The following EYA2 variants were observed in gnomAD, a reference collection of about 807,000 sequenced individuals.
The protein encoded by EYA2 is protein phosphatase EYA2.
A neutral mutation model predicts 69.2 loss-of-function variants in EYA2; 31 were observed. The ratio of observed to expected loss-of-function variants is 0.45; its 90% CI spans 0.34 to 0.60. The LOEUF is 0.60. Among genes scored for constraint, EYA2 ranks in the 20% least tolerant of loss-of-function variants. The pLI, the probability that EYA2 is intolerant of heterozygous loss-of-function variation, is 0.02. For missense variants in EYA2, 622 were observed against 701.2 expected (o/e 0.89, Z 1.28); for synonymous variants, 257 against 279.4 (o/e 0.92, Z 0.80).
At chr20:46,908,870 C>CCTT (rs1984499358) in intron 1 of EYA2, among the ~76,000 whole-genome samples, 1 of 47,558 alleles carries the variant, frequency 2.1e-5, no homozygotes, top group African/African-American at 8.7e-5. Flanking sequence ...CTCTCCCGCA[C>CCTT]TTTTTTTTTT....
chr20:47,171,864 G>A (rs2034328339), intron 11 of EYA2, among the ~76,000 whole-genome samples: 1 of 152,118 alleles, frequency 6.6e-6, no homozygotes, highest in African/African-American at 2.4e-5. Flanking sequence ...GCCCAAGGCG[G>A]GTGGATCACT....
chr20:46,921,612 C>CTT (rs1985182302), intron 1 of EYA2, among the ~76,000 whole-genome samples: 1 of 152,266 alleles, frequency 6.6e-6, no homozygotes, highest in African/African-American at 2.4e-5. Context: ...ATTCTGGGAA[C>CTT]TTTGCTGGAA....
chr20:47,033,411 G>T (rs781299191), intron 5 of EYA2, among the ~76,000 whole-genome samples: 8 of 152,158 alleles, frequency 5.3e-5, no homozygotes, highest in Non-Finnish European at 7.4e-5. Context: ...TAAACAAATG[G>T]CATGGCTGTG....
chr20:46,982,775 C>CTTT (rs10701469), intron 1 of EYA2, among the ~76,000 whole-genome samples: 2,033 of 137,406 alleles, frequency 0.015, 41 homozygotes, highest in East Asian at 0.067. Context: ...CTGTAATTTC[C>CTTT]TTTTTTTTTT....
intron 7 of EYA2, among the ~76,000 whole-genome samples, chr20:47,075,174 C>T (rs909828853): frequency 1.3e-5 from 2 of 152,212 alleles, no homozygotes; most frequent in Non-Finnish European, 2.9e-5. Context: ...CCTGTGTGGT[C>T]TTCTCTAATC....
chr20:47,173,668 C>T (rs1350161502), intron 12 of EYA2, among the ~76,000 whole-genome samples: 1 of 152,106 alleles, frequency 6.6e-6, no homozygotes, highest in African/African-American at 2.4e-5. Flanking sequence ...AGTGATCTTC[C>T]CACCTCAGCC....
chr20:47,112,244 G>A lies in EYA2; in HGVS notation c.888+15076G>A, dbSNP rs139170442. Among the ~76,000 whole-genome samples, 298 of 152,220 alleles carry A rather than the reference G, an allele frequency of 2.0e-3. 3 individuals are homozygous for A. The highest frequency in any genetic ancestry group is 3.2e-3 in the Admixed American group (49 of 15,276). On this transcript the variant is annotated intron_variant, in intron 9 of 15. Coordinates refer to ENST00000327619, the MANE Select transcript of EYA2 (RefSeq NM_005244.5). ...GAAGAAAATCCACATTGCCCATAGT[G>A]GGATCAAATAATGCCTCAAAGTGAA...
chr20:46,910,504 A>G (rs1984592272), intron 1 of EYA2, among the ~76,000 whole-genome samples: 1 of 152,148 alleles, frequency 6.6e-6, no homozygotes, highest in Admixed American at 6.5e-5. Context: ...CTCTGGTACA[A>G]AAGTTGAGGC....
intron 5 of EYA2, among the ~76,000 whole-genome samples, chr20:47,028,899 G>C (rs1167162823): frequency 2.0e-5 from 3 of 151,972 alleles, no homozygotes; most frequent in Non-Finnish European, 2.9e-5. Context: ...ATTAAAGCTG[G>C]TTATTGCGAT....
intron 5 of EYA2, among the ~76,000 whole-genome samples, chr20:47,044,978 A>G (rs2029956021): frequency 6.6e-6 from 1 of 152,218 alleles, no homozygotes; most frequent in South Asian, 2.1e-4. Context: ...CTATGAAGGA[A>G]GAGTACAAGG....
intron 1 of EYA2, among the ~76,000 whole-genome samples, chr20:46,976,855 G>T (rs1242293869): frequency 6.6e-6 from 1 of 152,146 alleles, no homozygotes; most frequent in Non-Finnish European, 1.5e-5. Context: ...TTTCCTTGGG[G>T]TATCACTTCT....
intron 9 of EYA2, among the ~76,000 whole-genome samples, chr20:47,135,025 G>A (rs566254904): frequency 1.2e-3 from 187 of 151,128 alleles, no homozygotes; most frequent in African/African-American, 4.3e-3. Context: ...TACTTGGGAG[G>A]CTGAGGCACA....
At chr20:47,176,362 G>T (rs1030197879) in intron 12 of EYA2, among the ~76,000 whole-genome samples, 4 of 150,656 alleles carry the variant, frequency 2.7e-5, no homozygotes, top group African/African-American at 9.9e-5. Flanking sequence ...TTACAGGTAT[G>T]AGCCACCATG....
intron 5 of EYA2, among the ~76,000 whole-genome samples, chr20:47,038,851 G>T (rs6124923): frequency 6.6e-6 from 1 of 152,048 alleles, no homozygotes; most frequent in African/African-American, 2.4e-5. Flanking sequence ...AAGTGGAATC[G>T]TACAGTATTT....
chr20:47,018,280 T>C (rs1360496167), intron 5 of EYA2, among the ~76,000 whole-genome samples: 9 of 152,076 alleles, frequency 5.9e-5, no homozygotes, highest in Admixed American at 5.9e-4. Context: ...GTGATCTAAG[T>C]TATGTAGGAG....
At chr20:47,063,821 C>G (rs1229852033) in intron 5 of EYA2, among the ~76,000 whole-genome samples, 1 of 152,220 alleles carries the variant, frequency 6.6e-6, no homozygotes, top group Non-Finnish European at 1.5e-5. Context: ...TGAGCTGCTC[C>G]CACCACTCTG....
chr20:46,912,678 G>A (rs1210458474), intron 1 of EYA2, among the ~76,000 whole-genome samples: 4 of 135,866 alleles, frequency 2.9e-5, no homozygotes, highest in Non-Finnish European at 6.3e-5. Flanking sequence ...CAGGGAAGAG[G>A]AATTTTTAAT....
At chr20:47,153,976 T>C (rs2033872459) in intron 10 of EYA2, among the ~76,000 whole-genome samples, 1 of 152,056 alleles carries the variant, frequency 6.6e-6, no homozygotes, top group South Asian at 2.1e-4. Context: ...AGCTGGCTTG[T>C]ATGTTTCACT....
chr20:47,027,276 A>T (rs1984147982), intron 5 of EYA2, among the ~76,000 whole-genome samples: 1 of 152,156 alleles, frequency 6.6e-6, no homozygotes, highest in Non-Finnish European at 1.5e-5. Flanking sequence ...GCCAGTTTTG[A>T]GCAGTCTAAA....
Sources: gnomAD v4.1 joint callset for allele counts (sites outside exome capture counted in the v4.1 genomes callset) on GRCh38, gnomAD v4.1.1 for gene constraint, MANE v1.5 for transcripts, NCBI Gene and HGNC (gene_info 2026-07-23, HGNC 2026-07-21) for gene names.